The following BLZF1 variants were observed in gnomAD, a reference collection of about 807,000 sequenced individuals.
BLZF1 encodes the protein golgin-45.
Under a neutral mutation model 43.8 loss-of-function variants are expected in BLZF1, and 39 were observed. The observed-to-expected ratio is 0.89, with a 90% CI of 0.69 to 1.16. The LOEUF (loss-of-function observed/expected upper bound fraction) is 1.16. Ranked by LOEUF, BLZF1 falls within the 50% of genes most tolerant of loss-of-function variation. The pLI, the probability that BLZF1 is intolerant of heterozygous loss-of-function variation, is 0.00. For missense variants in BLZF1, 449 were observed against 469.8 expected (o/e 0.96, Z 0.41); for synonymous variants, 136 against 159.4 (o/e 0.85, Z 1.11).
chr1:169,376,933 T>C lies in BLZF1; in HGVS notation c.422T>C (p.Leu141Pro), dbSNP rs1385185554. 1.2e-6 allele frequency: 2 copies of C among 1,613,266 alleles called. No individual in the cohort carries two copies. The highest frequency in any genetic ancestry group is 1.3e-5 in the African/African-American group (1 of 75,006). Residue 141 changes from leucine (L) to proline (P), a missense_variant, in exon 3 of 7, where the codon CTA becomes CCA. By Grantham distance (98) the Leu-to-Pro change is moderately conservative. Coordinates refer to ENST00000367808, the MANE Select transcript of BLZF1 (RefSeq NM_001320973.2). ...EKLKNSERRL[L>P]QDKEGLSNQL... ...CTCAAGAATTCTGAAAGAAGGTTAC[T>C]ACAGGACAAAGAAGGTCTTTCAAAC...
chr1:169,392,214 A>G (rs976338268), downstream of BLZF1, among the ~76,000 whole-genome samples: 19 of 152,164 alleles, frequency 1.2e-4, no homozygotes, highest in African/African-American at 4.3e-4. Flanking sequence ...CAAAATTCCA[A>G]CAGCCTTTTT....
At chr1:169,392,729 A>AG (rs1413260580), downstream of BLZF1, among the ~76,000 whole-genome samples, 1 of 152,076 alleles carries the variant, frequency 6.6e-6, no homozygotes, top group African/African-American at 2.4e-5. Context: ...CCTCCAGGGG[A>AG]GGGGGAAGTC....
chr1:169,370,342 G>T (rs909821491), intron 2 of BLZF1, among the ~76,000 whole-genome samples: 10 of 152,058 alleles, frequency 6.6e-5, no homozygotes, highest in Non-Finnish European at 1.5e-4. Context: ...AAAGATTTGG[G>T]GGACACAATT....
chr1:169,395,012 TAGC>T lies in BLZF1; in HGVS notation c.*28-878_*28-876del, dbSNP rs1312902094. The T allele has an allele frequency of 2.0e-6, 3 of 1,536,818 alleles. No individual in the cohort carries two copies. The East Asian group carries it at 7.0e-5, about 36-fold the overall frequency. ...TAAGAAATCATATCCAAAATTTTGA[TAGC>T]AGCTGCCCACTGAAATATTTAATAG... On this transcript the variant is annotated intron_variant, in intron 7 of 7. Transcript: ENST00000329281.
At chr1:169,373,502 C>G (rs138838784) in intron 2 of BLZF1, among the ~76,000 whole-genome samples, 1 of 152,250 alleles carries the variant, frequency 6.6e-6, no homozygotes, top group Non-Finnish European at 1.5e-5. Context: ...ACGAAAGTTA[C>G]CAGGTGAGAA....
At chr1:169,394,979 A>G in intron 7 of BLZF1, 2 of 1,374,370 alleles carry the variant, frequency 1.5e-6, no homozygotes, top group Non-Finnish European at 2.0e-6. Context: ...ACCAAAGTAC[A>G]CAGACCCTAA....
At chr1:169,384,913 A>G (rs1453548564) in intron 6 of BLZF1, among the ~76,000 whole-genome samples, 1 of 152,226 alleles carries the variant, frequency 6.6e-6, no homozygotes, top group Non-Finnish European at 1.5e-5. Flanking sequence ...AAGGTCTGGC[A>G]TAATCCCTTG....
At chr1:169,385,126 G>A (rs955025254) in intron 6 of BLZF1, among the ~76,000 whole-genome samples, 1 of 152,114 alleles carries the variant, frequency 6.6e-6, no homozygotes, top group Non-Finnish European at 1.5e-5. Flanking sequence ...TAACTTTATA[G>A]CTTACAGGCT....
At chr1:169,381,740 G>C (rs1654533672) in intron 5 of BLZF1, among the ~76,000 whole-genome samples, 1 of 152,112 alleles carries the variant, frequency 6.6e-6, no homozygotes, top group South Asian at 2.1e-4. Flanking sequence ...ATCAATTAAT[G>C]TAACTCACCA....
rs768242599 is a variant in BLZF1, at chr1:169,376,644, CAT to C, written c.135_136del (p.His45GlnfsTer26). The C allele has an allele frequency of 3.7e-6, 6 of 1,613,168 alleles. No individual in the cohort carries two copies. Among genetic ancestry groups the C allele is most frequent in the Admixed American group, 3.3e-5 (2 of 59,832 alleles). ...CTCCGGAGTCCAATCTAGAAAGCATCATAGTCTTCAGAGTCCATGGAAGAAAG... is the reference window on the plus strand; with the variant it reads ...CTCCGGAGTCCAATCTAGAAAGCATCAGTCTTCAGAGTCCATGGAAGAAAG... ...VTSGVQSRKH[H>X]SLQSPWKKAV... On this transcript the variant is annotated frameshift_variant, in exon 3 of 7. Transcript: ENST00000367808. LOFTEE classifies it high-confidence loss of function.
intron 6 of BLZF1, among the ~76,000 whole-genome samples, chr1:169,385,932 T>C (rs1654654120): frequency 6.6e-6 from 1 of 152,248 alleles, no homozygotes; most frequent in Non-Finnish European, 1.5e-5. Flanking sequence ...CTTTTCCCAA[T>C]TCATTTCAGA....
downstream of BLZF1, among the ~76,000 whole-genome samples, chr1:169,388,670 A>G (rs1654739362): frequency 6.6e-6 from 1 of 152,142 alleles, no homozygotes; most frequent in African/African-American, 2.4e-5. Flanking sequence ...CAACTCAACC[A>G]CCAAAAAACA....
At chr1:169,394,936 A>T in intron 7 of BLZF1, 1 of 1,005,394 alleles carries the variant, frequency 9.9e-7, no homozygotes, top group Non-Finnish European at 1.4e-6. Flanking sequence ...CTGTCAATAA[A>T]AGATAAATAC....
chr1:169,378,560 C>T, intron 4 of BLZF1, 31 bp downstream of exon 4: 1 of 1,599,520 alleles, frequency 6.3e-7, no homozygotes, highest in Non-Finnish European at 8.6e-7. Context: ...TATTTCACTT[C>T]CTAGTTTTTG....
chr1:169,379,395 T>G lies in BLZF1; in HGVS notation c.668+866T>G, dbSNP rs192577436. ...AACAGTCTTTTGTTTATCTCCTAATTGTGCTAGTTCATTATGCTATTTGGA... is the reference window on the plus strand; with the variant it reads ...AACAGTCTTTTGTTTATCTCCTAATGGTGCTAGTTCATTATGCTATTTGGA... On this transcript the variant is annotated intron_variant, in intron 4 of 6. Transcript: ENST00000367808. 4.6e-5 allele frequency among the ~76,000 whole-genome samples: 7 copies of G among 152,166 alleles called. No homozygotes were observed. The East Asian group carries it at 1.3e-3, about 29-fold the overall frequency.
At chr1:169,385,085 C>CT (rs1006273162) in intron 6 of BLZF1, among the ~76,000 whole-genome samples, 2 of 152,226 alleles carry the variant, frequency 1.3e-5, no homozygotes, top group Non-Finnish European at 2.9e-5. Flanking sequence ...ACCACTCCCT[C>CT]TTTCTCGAAC....
In BLZF1 at chr1:169,378,493, A is replaced by G. The variant is rs1208920635; in HGVS notation, c.632A>G (p.Gln211Arg). The G allele has an allele frequency of 3.1e-6, 5 of 1,612,794 alleles. No homozygotes were observed. Among genetic ancestry groups the G allele is most frequent in the Non-Finnish European group, 1.7e-6 (2 of 1,179,016 alleles). Residue 211 changes from glutamine (Q) to arginine (R), a missense_variant, in exon 4 of 7, where the codon CAG becomes CGG. Coordinates refer to ENST00000367808, the MANE Select transcript of BLZF1 (RefSeq NM_001320973.2). ...LSEQLERMSI[Q>R]CDVWRSKFLA... The stretch of plus-strand genomic sequence containing the variant: ...GAACAGTTAGAACGTATGTCAATAC[A>G]GTGTGATGTATGGCGAAGTAAATTC...
In BLZF1 at chr1:169,382,241, T is replaced by TTGAA; in HGVS notation, c.979_982dup (p.Phe328Ter). On this transcript the variant is annotated frameshift_variant, in exon 6 of 7. Transcript: ENST00000367808. LOFTEE classifies it high-confidence loss of function. ...AATCAAAAAAAGATTCCATCAACAG[T>TTGAA]TGAATTCTGCAGCACCCCAGCTGAG... The TTGAA allele has an allele frequency of 1.2e-6, 2 of 1,613,758 alleles. No individual in the cohort carries two copies. Among genetic ancestry groups the TTGAA allele is most frequent in the African/African-American group, 1.3e-5 (1 of 75,026 alleles).
At chr1:169,378,192 A>C (rs1571438635) in intron 3 of BLZF1, 138 bp from the exon 4 acceptor site, 1 of 723,102 alleles carries the variant, frequency 1.4e-6, no homozygotes, top group African/African-American at 1.8e-5. Context: ...TTAAATATTT[A>C]ATTTTACTTT....
Sources: allele counts gnomAD v4.1 joint callset (sites outside exome capture counted in the v4.1 genomes callset), GRCh38; gene constraint gnomAD v4.1.1; transcripts MANE v1.5; gene names NCBI Gene and HGNC (gene_info 2026-07-23, HGNC 2026-07-21).